DPYSL3: variants seen among roughly 807,000 people sequenced by gnomAD.
The protein encoded by DPYSL3 is dihydropyrimidinase-related protein 3.
A neutral mutation model predicts 66.1 loss-of-function variants in DPYSL3; 16 were observed. The ratio of observed to expected loss-of-function variants is 0.24; its 90% CI spans 0.16 to 0.37. DPYSL3 has a LOEUF of 0.37. Ranked by LOEUF, DPYSL3 falls within the 10% of genes least tolerant of loss-of-function variation. The pLI, the probability that DPYSL3 is intolerant of heterozygous loss-of-function variation, is 1.00. For synonymous variants in DPYSL3, 338 were observed against 345.1 expected (o/e 0.98, Z 0.23); for missense variants, 738 against 916.2 (o/e 0.81, Z 2.51).
chr5:147,496,891 C>T (rs2126454251), intron 1 of DPYSL3, among the ~76,000 whole-genome samples: 1 of 152,136 alleles, frequency 6.6e-6, no homozygotes, highest in Admixed American at 6.5e-5. Context: ...CCAGCCATCC[C>T]ATTACTGGGT....
chr5:147,404,404 C>T (rs545761891), intron 8 of DPYSL3, among the ~76,000 whole-genome samples: 1 of 152,338 alleles, frequency 6.6e-6, no homozygotes, highest in Admixed American at 6.5e-5. Flanking sequence ...CAGCCATCAG[C>T]GTCAGCTGAG....
chr5:147,477,255 T>A (rs1753167470), intron 1 of DPYSL3, among the ~76,000 whole-genome samples: 1 of 151,982 alleles, frequency 6.6e-6, no homozygotes, highest in African/African-American at 2.4e-5. Context: ...ACTCAATGAG[T>A]GGTTTAACAG....
At position 147,478,567 on chromosome 5, in the gene DPYSL3, T is replaced by G. The variant is rs537468847; in HGVS notation, c.381+30911A>C. Among the ~76,000 whole-genome samples the G allele has an allele frequency of 3.3e-5, 5 of 152,324 alleles. No homozygotes were observed. In the South Asian group the frequency reaches 8.3e-4, roughly 25 times the overall value. On this transcript the variant is annotated intron_variant, in intron 1 of 13. Transcript: ENST00000343218. ...GACTGTCCTCTCTGCCTTTGACTTT[T>G]GCTCAACTTATGCCACTGTCTACAG...
At position 147,477,504 on chromosome 5, in the gene DPYSL3, T is replaced by A. The variant is rs1435933029; in HGVS notation, c.381+31974A>T. ...TTCCAGAATTGTTGAAAGATGTGAA[T>A]CCTCAGATTCAGAAAGTACATTGAG... On this transcript the variant is annotated intron_variant, in intron 1 of 13. Transcript: ENST00000343218. Among the ~76,000 whole-genome samples the A allele has an allele frequency of 2.8e-5, 4 of 143,630 alleles. No homozygotes were observed. The Admixed American group carries it at 2.8e-4, about 10-fold the overall frequency. 94.2% of individuals were successfully genotyped at this position (143,630 alleles called of 152,430 possible).
chr5:147,404,265 A>T (rs1235714230), intron 8 of DPYSL3, among the ~76,000 whole-genome samples: 1 of 152,218 alleles, frequency 6.6e-6, no homozygotes, highest in Non-Finnish European at 1.5e-5. Flanking sequence ...AGGCCTACGA[A>T]GAACAGAGGA....
At chr5:147,412,193 A>ATGAGGAGCTCTATTATCTG (rs1751868368) in intron 6 of DPYSL3, among the ~76,000 whole-genome samples, 1 of 152,078 alleles carries the variant, frequency 6.6e-6, no homozygotes, top group East Asian at 1.9e-4. Flanking sequence ...ATCTAAGGCT[A>ATGAGGAGCTCTATTATCTG]TGAGTTCCAC....
rs1752016326 is a variant in DPYSL3 at position 147,418,493 on chromosome 5, G to A, written c.609C>T (p.Phe203=). 6.2e-7 allele frequency: 1 copy of A among 1,613,076 alleles called. No homozygotes were observed. Among genetic ancestry groups the A allele is most frequent in the Admixed American group, 1.7e-5 (1 of 59,938 alleles). ...PYKGMTTVDD[F]FQGTKAALAG... ...CTAAGGCCGCCTTTGTCCCTTGGAA[G>A]AAGTCATCTACTGTGGTCATTCCCT... Residue 203 remains phenylalanine (F), a synonymous_variant, in exon 3 of 14, where the codon TTC becomes TTT. Transcript: ENST00000343218.
intron 1 of DPYSL3, among the ~76,000 whole-genome samples, chr5:147,495,416 G>A (rs1346023050): frequency 6.6e-6 from 1 of 152,150 alleles, no homozygotes; most frequent in African/African-American, 2.4e-5. Flanking sequence ...GGCAGGAGAA[G>A]GAAATAAAGG....
intron 1 of DPYSL3, among the ~76,000 whole-genome samples, chr5:147,494,709 CAAAAA>C (rs35761170): frequency 2.4e-5 from 2 of 83,548 alleles, no homozygotes; most frequent in South Asian, 4.4e-4. Flanking sequence ...ACGAAAAATA[CAAAAA>C]AAAAAAAAAA....
intron 1 of DPYSL3, among the ~76,000 whole-genome samples, chr5:147,505,516 G>A (rs1225011136): frequency 2.6e-5 from 4 of 152,144 alleles, no homozygotes; most frequent in Non-Finnish European, 5.9e-5. Flanking sequence ...GATTACAGGC[G>A]TGAGCCACCA....
chr5:147,428,301 C>T (rs944014291), intron 1 of DPYSL3, among the ~76,000 whole-genome samples: 3 of 152,010 alleles, frequency 2.0e-5, no homozygotes, highest in Non-Finnish European at 4.4e-5. Context: ...GCAAAAATAT[C>T]AAAACCTGAA....
At chr5:147,448,935 G>T (rs1397370708) in intron 1 of DPYSL3, among the ~76,000 whole-genome samples, 1 of 152,202 alleles carries the variant, frequency 6.6e-6, no homozygotes, top group Non-Finnish European at 1.5e-5. Context: ...TATCTAAGAT[G>T]CTTTCCATTC....
At chr5:147,473,760 C>T (rs7736511) in intron 1 of DPYSL3, among the ~76,000 whole-genome samples, 2,894 of 152,220 alleles carry the variant, frequency 0.019, 93 homozygotes, top group African/African-American at 0.066. Flanking sequence ...GGTGATTCAA[C>T]TTCTAAGCAG....
intron 1 of DPYSL3, among the ~76,000 whole-genome samples, chr5:147,448,420 T>C (rs1321213998): frequency 6.6e-6 from 1 of 152,252 alleles, no homozygotes; most frequent in Non-Finnish European, 1.5e-5. Flanking sequence ...AAAAAGTTTT[T>C]ATATAACGCT....
At chr5:147,474,194 G>A (rs922111278) in intron 1 of DPYSL3, among the ~76,000 whole-genome samples, 4 of 151,968 alleles carry the variant, frequency 2.6e-5, no homozygotes, top group African/African-American at 9.7e-5. Flanking sequence ...TACAGTGTCT[G>A]GTGCATCATA....
At chr5:147,432,283 C>G (rs751880879) in intron 1 of DPYSL3, among the ~76,000 whole-genome samples, 1 of 152,134 alleles carries the variant, frequency 6.6e-6, no homozygotes, top group Non-Finnish European at 1.5e-5. Context: ...CGGACAGACA[C>G]AAGGTAGGAA....
chr5:147,455,152 G>A (rs1752823912), intron 1 of DPYSL3, among the ~76,000 whole-genome samples: 1 of 152,130 alleles, frequency 6.6e-6, no homozygotes, highest in South Asian at 2.1e-4. Flanking sequence ...AAGTGAAGAC[G>A]TGCTTGCGAT....
At chr5:147,472,357 T>C (rs1264371502) in intron 1 of DPYSL3, among the ~76,000 whole-genome samples, 1 of 152,192 alleles carries the variant, frequency 6.6e-6, no homozygotes, top group African/African-American at 2.4e-5. Context: ...GGTGTTATAG[T>C]GAAAGAAGAA....
chr5:147,466,009 G>A (rs1379942493), intron 1 of DPYSL3, among the ~76,000 whole-genome samples: 3 of 152,064 alleles, frequency 2.0e-5, no homozygotes, highest in Non-Finnish European at 4.4e-5. Context: ...ATATGTACAT[G>A]GACAGACATT....
Sources: gnomAD v4.1 joint callset for allele counts (sites outside exome capture counted in the v4.1 genomes callset) on GRCh38, gnomAD v4.1.1 for gene constraint, MANE v1.5 for transcripts, NCBI Gene and HGNC (gene_info 2026-07-23, HGNC 2026-07-21) for gene names.